The following SLC9B1 variants were observed in gnomAD, a reference collection of about 807,000 sequenced individuals.
The protein encoded by SLC9B1 is solute carrier family 9 member B1, also known as sodium/hydrogen exchanger 9B1.
Under a neutral mutation model 51.7 loss-of-function variants are expected in SLC9B1, and 32 were observed. That is an observed-to-expected ratio of 0.62 (90% confidence interval 0.47 to 0.83). The LOEUF is 0.83. Ranked by LOEUF, SLC9B1 falls within the 40% of genes least tolerant of loss-of-function variation. SLC9B1 has a pLI of 0.00. For missense variants in SLC9B1, 406 were observed against 613.2 expected (o/e 0.66, Z 3.57); for synonymous variants, 145 against 212.7 (o/e 0.68, Z 2.77).
chr4:102,945,935 T>C (rs1737243965), intron 5 of SLC9B1, among the ~76,000 whole-genome samples: 1 of 152,118 alleles, frequency 6.6e-6, no homozygotes, highest in South Asian at 2.1e-4. Context: ...TAGAATGTAA[T>C]ATTTTAAGAA....
At chr4:102,956,069 A>G (rs1737797275) in intron 3 of SLC9B1, among the ~76,000 whole-genome samples, 3 of 152,142 alleles carry the variant, frequency 2.0e-5, no homozygotes, top group Non-Finnish European at 4.4e-5. Context: ...TGTGAAGGAC[A>G]GTAACCTCCG....
At chr4:102,928,078 G>T (rs915961767) in intron 7 of SLC9B1, among the ~76,000 whole-genome samples, 7 of 151,928 alleles carry the variant, frequency 4.6e-5, no homozygotes, top group African/African-American at 7.3e-5. Context: ...GCCTGTCGGG[G>T]GGTGGAGGGC....
At chr4:102,903,236 C>A (rs973550783) in intron 11 of SLC9B1, among the ~76,000 whole-genome samples, 1 of 151,886 alleles carries the variant, frequency 6.6e-6, no homozygotes, top group South Asian at 2.1e-4. Flanking sequence ...AACAAAATTG[C>A]GAGAGTATTG....
chr4:102,930,162 C>A (rs891956435), intron 7 of SLC9B1, among the ~76,000 whole-genome samples: 6 of 152,106 alleles, frequency 3.9e-5, no homozygotes, highest in Admixed American at 2.6e-4. Context: ...ATTCAAAATA[C>A]TTCATTTATA....
At chr4:102,949,197 A>G in intron 4 of SLC9B1, 60 bp downstream of exon 4, 1 of 1,311,294 alleles carries the variant, frequency 7.6e-7, no homozygotes, top group Non-Finnish European at 1.0e-6. Flanking sequence ...TTCAACAAGA[A>G]AATGTTCAAC....
intron 11 of SLC9B1, among the ~76,000 whole-genome samples, chr4:102,894,357 T>C (rs1306626965): frequency 6.6e-6 from 1 of 152,200 alleles, no homozygotes; most frequent in Non-Finnish European, 1.5e-5. Flanking sequence ...TCCATGAATG[T>C]AACAAGATTT....
At chr4:102,922,902 A>G (rs1457744773) in intron 7 of SLC9B1, among the ~76,000 whole-genome samples, 1 of 152,186 alleles carries the variant, frequency 6.6e-6, no homozygotes, top group Non-Finnish European at 1.5e-5. Context: ...TCTGAAATTG[A>G]GGCAATAATT....
chr4:103,006,132 A>C (rs1740773695), intron 1 of SLC9B1, among the ~76,000 whole-genome samples: 1 of 152,102 alleles, frequency 6.6e-6, no homozygotes, highest in Non-Finnish European at 1.5e-5. Flanking sequence ...CATGACAAGC[A>C]ATACAAAAAG....
chr4:102,888,334 C>T (rs1315051734), intron 11 of SLC9B1: 9 of 152,118 alleles, frequency 5.9e-5, no homozygotes, highest in Admixed American at 5.9e-4. Context: ...CAAAATCTGC[C>T]CATACTCAAG....
At chr4:102,888,343 A>G (rs1303815826) in intron 11 of SLC9B1, 1 of 152,216 alleles carries the variant, frequency 6.6e-6, no homozygotes, top group Non-Finnish European at 1.5e-5. Flanking sequence ...CCCATACTCA[A>G]GTCCCACAGA....
chr4:102,921,672 C>T (rs1217781261), intron 7 of SLC9B1, among the ~76,000 whole-genome samples: 3 of 152,132 alleles, frequency 2.0e-5, no homozygotes, highest in Non-Finnish European at 2.9e-5. Flanking sequence ...ACCCATCTAA[C>T]GTGCAGAGAC....
At chr4:102,965,412 T>A (rs1738370915) in intron 3 of SLC9B1, among the ~76,000 whole-genome samples, 1 of 152,138 alleles carries the variant, frequency 6.6e-6, no homozygotes, top group South Asian at 2.1e-4. Flanking sequence ...GGTTGCTTTA[T>A]AACAATCCAT....
At chr4:102,936,710 CA>C (rs1402983622) in intron 6 of SLC9B1, among the ~76,000 whole-genome samples, 2 of 151,962 alleles carry the variant, frequency 1.3e-5, no homozygotes, top group Non-Finnish European at 2.9e-5. Flanking sequence ...AAATAAAGAA[CA>C]AGAAAGAATG....
intron 3 of SLC9B1, among the ~76,000 whole-genome samples, chr4:102,980,645 G>A (rs1739303823): frequency 6.6e-6 from 1 of 152,076 alleles, no homozygotes; most frequent in East Asian, 1.9e-4. Flanking sequence ...TTAATACCTA[G>A]GTGATGGATT....
At chr4:102,906,996 T>C (rs1348917447) in intron 9 of SLC9B1, among the ~76,000 whole-genome samples, 5 of 152,196 alleles carry the variant, frequency 3.3e-5, no homozygotes, top group African/African-American at 1.2e-4. Context: ...GCACTGGCAT[T>C]ATAGGCATGA....
rs187078249 is a variant in SLC9B1, at chr4:102,917,740, C to T, written c.830-6203G>A. 4.7e-4 allele frequency among the ~76,000 whole-genome samples: 71 copies of T among 152,158 alleles called. 1 individual carries two copies. The East Asian group carries it at 0.012, about 26-fold the overall frequency. Reference sequence around the variant, plus strand: ...TCAAGAAACTGGAAAAAGAAGAACTCAATCCAATGTTAGCAAAAGGAAGGA... The same window carrying T: ...TCAAGAAACTGGAAAAAGAAGAACTTAATCCAATGTTAGCAAAAGGAAGGA... On this transcript the variant is annotated intron_variant, in intron 7 of 11. Transcript: ENST00000296422.
intron 3 of SLC9B1, among the ~76,000 whole-genome samples, chr4:102,983,598 C>A (rs12508069): frequency 6.6e-6 from 1 of 151,976 alleles, no homozygotes; most frequent in Non-Finnish European, 1.5e-5. Flanking sequence ...ACTTCCTCTT[C>A]TGAGTTTTGG....
chr4:102,978,894 CTT>C (rs1047042927), intron 3 of SLC9B1, among the ~76,000 whole-genome samples: 1 of 152,148 alleles, frequency 6.6e-6, no homozygotes, highest in African/African-American at 2.4e-5. Context: ...TGCTCTAAAA[CTT>C]TTTATTTGCT....
intron 1 of SLC9B1, among the ~76,000 whole-genome samples, chr4:102,997,362 T>G (rs1292186081): frequency 6.6e-6 from 1 of 152,224 alleles, no homozygotes; most frequent in East Asian, 1.9e-4. Flanking sequence ...TAATAATTTT[T>G]TGTGTTTTCA....
Sources: allele counts gnomAD v4.1 joint callset (sites outside exome capture counted in the v4.1 genomes callset), GRCh38; gene constraint gnomAD v4.1.1; transcripts MANE v1.5; gene names NCBI Gene and HGNC (gene_info 2026-07-23, HGNC 2026-07-21).